Variants in AZGP1 observed in about 807,000 individuals in gnomAD.
AZGP1 encodes alpha-2-glycoprotein 1, zinc-binding, also known as zinc-alpha-2-glycoprotein.
In AZGP1, 28 loss-of-function variants were observed where a neutral mutation model predicts 31.5. The ratio of observed to expected loss-of-function variants is 0.89; its 90% CI spans 0.66 to 1.22. The LOEUF (loss-of-function observed/expected upper bound fraction) is 1.22, where lower values mean the gene tolerates loss of function less well. AZGP1 is among the 50% of genes most tolerant of loss of function. The pLI, the probability that AZGP1 is intolerant of heterozygous loss-of-function variation, is 0.00. For missense variants in AZGP1, 361 were observed against 371.8 expected (o/e 0.97, Z 0.24); for synonymous variants, 135 against 145.4 (o/e 0.93, Z 0.51).
chr7:99,970,269 G>T (rs1038113640), intron 2 of AZGP1, among the ~76,000 whole-genome samples: 1 of 151,684 alleles, frequency 6.6e-6, no homozygotes. Flanking sequence ...TTTAGACAAC[G>T]TTTCACTCTT....
At chr7:99,974,207 G>A (rs563266607) in intron 1 of AZGP1, among the ~76,000 whole-genome samples, 19 of 151,690 alleles carry the variant, frequency 1.3e-4, no homozygotes, top group Admixed American at 8.5e-4. Flanking sequence ...CCAAGATCAC[G>A]CCACTGCACT....
At chr7:99,967,938 GC>G (rs1417035679) in intron 3 of AZGP1, 2 of 676,070 alleles carry the variant, frequency 3.0e-6, no homozygotes, top group South Asian at 1.8e-5. Context: ...AGAAAGAATG[GC>G]CTTCCTGGCC....
chr7:99,966,779 T>C lies in AZGP1; in HGVS notation c.*224A>G, dbSNP rs1326666955. 1 of 520,454 alleles carries C rather than the reference T, an allele frequency of 1.9e-6. No homozygotes were observed. Among genetic ancestry groups the C allele is most frequent in the African/African-American group, 3.5e-5 (1 of 28,436 alleles). The allele number at this position is 520,454 out of a possible 1,614,324, so 32.2% of individuals were successfully genotyped here. A position where few individuals can be genotyped will look rare whatever the true frequency, so the allele number is the denominator to read the frequency against. The stretch of plus-strand genomic sequence containing the variant: ...TTATTAGCTTCTACAGATTAGACAA[T>C]GGGGTGGGGGTGGGCTCAAGGTGAG... On this transcript the variant is annotated 3_prime_UTR_variant, in exon 4 of 4. Transcript: ENST00000292401.
chr7:99,972,709 G>A (rs1789599805), intron 1 of AZGP1, among the ~76,000 whole-genome samples: 2 of 152,178 alleles, frequency 1.3e-5, no homozygotes, highest in Admixed American at 6.5e-5. Flanking sequence ...AGTCATGCTG[G>A]AGGCTGAGGC....
rs2115672580 is a variant in AZGP1 at position 99,967,027 on chromosome 7, G to A, written c.873C>T (p.Leu291=). 1.9e-6 allele frequency: 3 copies of A among 1,613,852 alleles called. No individual in the cohort carries two copies. Among genetic ancestry groups the A allele is most frequent in the South Asian group, 1.1e-5 (1 of 91,076 alleles). ...CCTAGCTGGCCTCCCAGGGCACCACGAGGGGCTGGGCCAGGCTGCTGTGCT... is the reference window on the plus strand; with the variant it reads ...CCTAGCTGGCCTCCCAGGGCACCACAAGGGGCTGGGCCAGGCTGCTGTGCT... ...HVQHSSLAQP[L]VVPWEAS Residue 291 remains leucine (L), a synonymous_variant, in exon 4 of 4, where the codon CTC becomes CTT. Transcript: ENST00000292401.
At chr7:99,969,516 T>A (rs1789546607) in intron 2 of AZGP1, among the ~76,000 whole-genome samples, 1 of 151,788 alleles carries the variant, frequency 6.6e-6, no homozygotes. Context: ...GGAGGCAAAG[T>A]TTGCAGTGAG....
At chr7:99,969,813 T>A (rs1366466383) in intron 2 of AZGP1, among the ~76,000 whole-genome samples, 4 of 152,132 alleles carry the variant, frequency 2.6e-5, no homozygotes, top group Non-Finnish European at 5.9e-5. Flanking sequence ...GTAACCCTAA[T>A]CTGATCACTT....
rs1312827827 is a variant in AZGP1 at position 99,971,937 on chromosome 7, G to T, written c.146C>A (p.Ala49Asp). 1.9e-6 allele frequency: 3 copies of T among 1,614,082 alleles called. No individual in the cohort carries two copies. In the Admixed American group the frequency reaches 5.0e-5, roughly 27 times the overall value. Residue 49 changes from alanine to aspartate, a missense_variant, in exon 2 of 4, where the codon GCC (alanine) becomes GAC (aspartate). By Grantham distance (126) the Ala-to-Asp change is moderately radical. Transcript: ENST00000292401. Reference sequence around the variant, plus strand: ...CTGGAGGTCATTGAGTGAGCCAAGGGCCTGAAACGCGGGGACGTCTTCAAC... The same window carrying T: ...CTGGAGGTCATTGAGTGAGCCAAGGTCCTGAAACGCGGGGACGTCTTCAAC... ...KHVEDVPAFQ[A>D]LGSLNDLQFF...
At position 99,971,791 on chromosome 7, in the gene AZGP1, T is replaced by C. The variant is rs1789581670; in HGVS notation, c.292A>G (p.Met98Val). ...QLQKAREDIF[M>V]ETLKDIVEYY... is the part of the protein sequence containing the mutation. The stretch of plus-strand genomic sequence containing the variant: ...TCCACGATGTCTTTCAGGGTCTCCA[T>C]AAAGATGTCCTCCCTGGCCTTCTGA... Residue 98 changes from methionine (M) to valine (V), a missense_variant, in exon 2 of 4, where the codon ATG (methionine) becomes GTG (valine). Met to Val is a conservative substitution (Grantham distance 21). Coordinates refer to ENST00000292401, the MANE Select transcript of AZGP1 (RefSeq NM_001185.4). 8 of 1,613,936 alleles carry C rather than the reference T, an allele frequency of 5.0e-6. No individual in the cohort carries two copies. Among genetic ancestry groups the C allele is most frequent in the African/African-American group, 4.0e-5 (3 of 74,896 alleles).
At position 99,967,261 on chromosome 7, in the gene AZGP1, G is replaced by A; in HGVS notation, c.639C>T (p.Ser213=). Residue 213 remains serine (S), a synonymous_variant, in exon 4 of 4, where the codon AGC becomes AGT. Coordinates refer to ENST00000292401, the MANE Select transcript of AZGP1 (RefSeq NM_001185.4). The part of the protein sequence containing the change: ...RQDPPSVVVT[S]HQAPGEKKKL... The stretch of plus-strand genomic sequence containing the variant: ...TCTTCTTTTCTCCTGGGGCCTGGTG[G>A]CTGGTGACCACCACAGAGGGAGGAT... 6.2e-7 allele frequency: 1 copy of A among 1,612,940 alleles called. No homozygotes were observed. Among genetic ancestry groups the A allele is most frequent in the Non-Finnish European group, 8.5e-7 (1 of 1,179,624 alleles).
At chr7:99,971,546 G>A in intron 2 of AZGP1, 200 bp downstream of exon 2, 2 of 635,230 alleles carry the variant, frequency 3.1e-6, no homozygotes, top group Non-Finnish European at 5.3e-6. Context: ...CTGGGATGAG[G>A]ATGGGGCAAT....
At position 99,967,196 on chromosome 7, in the gene AZGP1, A is replaced by G. The variant is rs372045467; in HGVS notation, c.704T>C (p.Ile235Thr). 5 of 1,613,854 alleles carry G rather than the reference A, an allele frequency of 3.1e-6. No homozygotes were observed. The South Asian group carries it at 3.3e-5, about 11-fold the overall frequency. Residue 235 changes from isoleucine to threonine, a missense_variant, in exon 4 of 4, where the codon ATT becomes ACT. By Grantham distance (89) the Ile-to-Thr change is moderately conservative (BLOSUM62 -1). Coordinates refer to ENST00000292401, the MANE Select transcript of AZGP1 (RefSeq NM_001185.4). The part of the protein sequence containing the change: ...CLAYDFYPGK[I>T]DVHWTRAGEV... ...GCCGGCCCGAGTCCAGTGCACATCA[A>G]TTTTCCCTGGGTAGAAGTCGTAGGC... is the stretch of plus-strand genomic sequence containing the variant.
rs187688648 is a variant in AZGP1 at position 99,972,886 on chromosome 7, G to A, written c.77-880C>T. On this transcript the variant is annotated intron_variant, in intron 1 of 3. Coordinates refer to ENST00000292401, the MANE Select transcript of AZGP1 (RefSeq NM_001185.4). Reference sequence around the variant, plus strand: ...TAATCCCAGCACTTTAGGGGGCCGAGGCGGGTGGATCACGAGGTCAGGAGA... The same window carrying A: ...TAATCCCAGCACTTTAGGGGGCCGAAGCGGGTGGATCACGAGGTCAGGAGA... 2.3e-3 allele frequency among the ~76,000 whole-genome samples: 348 copies of A among 152,254 alleles called. 3 individuals are homozygous for A. The highest frequency in any genetic ancestry group is 8.1e-3 in the African/African-American group (338 of 41,544).
In AZGP1 at chr7:99,967,096, C is replaced by T. The variant is rs775866719; in HGVS notation, c.804G>A (p.Val268=). 9 of 1,614,064 alleles carry T rather than the reference C, an allele frequency of 5.6e-6. No individual in the cohort carries two copies. Among genetic ancestry groups the T allele is most frequent in the African/African-American group, 1.3e-5 (1 of 74,920 alleles). The change falls in exon 4 of 4, where the codon GTG becomes GTA. Residue 268 remains valine (V), a synonymous_variant. Transcript: ENST00000292401. ...GGGCTGTGTCCTGCGGGGGCACTGC[C>T]ACCACCACCCAGGACTGGTAAGTGC... ...GNGTYQSWVV[V]AVPPQDTAPY...
In AZGP1 at chr7:99,968,962, C is replaced by CAAAAAAAAAAAAAAAAAA. The variant is rs869115613; in HGVS notation, c.338-550_338-533dup. Among the ~76,000 whole-genome samples the CAAAAAAAAAAAAAAAAAA allele has an allele frequency of 1.5e-4, 4 of 26,700 alleles. 2 individuals carry two copies. The highest frequency in any genetic ancestry group is 3.1e-4 in the African/African-American group (2 of 6,450). 17.5% of individuals were successfully genotyped at this position (26,700 alleles called of 152,430 possible). On this transcript the variant is annotated intron_variant, in intron 2 of 3. Transcript: ENST00000292401. ...TGGGTGACAGAGTGAGACCCTATCT[C>CAAAAAAAAAAAAAAAAAA]AAAAAAAAAAAAAAAAAAAAAAAAA...
rs188051315 is a variant in AZGP1 at position 99,967,313 on chromosome 7, C to A, written c.614-27G>T. The A allele has an allele frequency of 1.0e-4, 164 of 1,605,402 alleles. No individual in the cohort carries two copies. In the African/African-American group the frequency reaches 1.9e-3, roughly 19 times the overall value. The stretch of plus-strand genomic sequence containing the variant: ...TGTGGAGGGATAGAGTGTGACACTG[C>A]AGGCTTGAGGTGGACTTCTCCCGGC... On this transcript the variant is annotated intron_variant, in intron 3 of 3. Coordinates refer to ENST00000292401, the MANE Select transcript of AZGP1 (RefSeq NM_001185.4).
rs1356010144 is a variant in AZGP1, at chr7:99,971,763, T to C, written c.320A>G (p.Tyr107Cys). Residue 107 changes from tyrosine to cysteine, a missense_variant, in exon 2 of 4, where the codon TAT (tyrosine) becomes TGT (cysteine). Transcript: ENST00000292401. Reference protein sequence around the residue: ...FMETLKDIVEYYNDSNGSHVL... With the variant: ...FMETLKDIVECYNDSNGSHVL... Reference sequence around the variant, plus strand: ...TCACTGACCGTTACTGTCGTTGTAATACTCCACGATGTCTTTCAGGGTCTC... The same window carrying C: ...TCACTGACCGTTACTGTCGTTGTAACACTCCACGATGTCTTTCAGGGTCTC... 1.2e-6 allele frequency: 2 copies of C among 1,614,078 alleles called. No homozygotes were observed. Among genetic ancestry groups the C allele is most frequent in the South Asian group, 1.1e-5 (1 of 91,082 alleles).
chr7:99,970,199 G>A (rs962743505), intron 2 of AZGP1, among the ~76,000 whole-genome samples: 4 of 152,102 alleles, frequency 2.6e-5, no homozygotes, highest in Admixed American at 2.6e-4. Flanking sequence ...CTGGCACAAA[G>A]TAAGTGCTCA....
chr7:99,973,905 CAAAA>C (rs199566652), intron 1 of AZGP1, among the ~76,000 whole-genome samples: 5 of 58,016 alleles, frequency 8.6e-5, no homozygotes, highest in Non-Finnish European at 3.8e-5. Flanking sequence ...AACTCTGTCA[CAAAA>C]AAAAAAAAAA....
Sources: allele counts gnomAD v4.1 joint callset (sites outside exome capture counted in the v4.1 genomes callset), GRCh38; gene constraint gnomAD v4.1.1; transcripts MANE v1.5; gene names NCBI Gene and HGNC (gene_info 2026-07-23, HGNC 2026-07-21).